Variants in AGAP3 observed in about 807,000 individuals in gnomAD.
The protein encoded by AGAP3 is ArfGAP with GTPase domain, ankyrin repeat and PH domain 3, also known as arf-GAP with GTPase, ANK repeat and PH domain-containing protein 3.
A neutral mutation model predicts 96.9 loss-of-function variants in AGAP3; 24 were observed. The observed-to-expected ratio is 0.25, with a 90% confidence interval of 0.18 to 0.35. AGAP3 has a LOEUF of 0.35. Ranked by LOEUF, AGAP3 falls within the 10% of genes least tolerant of loss-of-function variation. AGAP3 has a pLI of 1.00. For missense variants in AGAP3, 876 were observed against 1,254.2 expected, an observed-to-expected ratio of 0.70 and a Z score of 4.55; for synonymous variants, 563 against 536.1, an observed-to-expected ratio of 1.05 and a Z score of -0.69.
chr7:151,119,489 GAATC>G (rs1318955686), intron 7 of AGAP3, among the ~76,000 whole-genome samples: 4 of 152,198 alleles, frequency 2.6e-5, no homozygotes, highest in African/African-American at 9.7e-5. Flanking sequence ...AGCTGTCCCG[GAATC>G]CCTTTCCCTG....
At position 151,117,749 on chromosome 7, in the gene AGAP3, G is replaced by A; in HGVS notation, c.678G>A (p.Glu226=). 2 of 1,614,148 alleles carry A rather than the reference G, an allele frequency of 1.2e-6. No individual in the cohort carries two copies. Among genetic ancestry groups the A allele is most frequent in the South Asian group, 1.1e-5 (1 of 91,084 alleles). ...TCTGCAGCTTCCGCAACGCCAGCGA[G>A]GTGCCCATGGTGCTTGTGGGCACGC... is the stretch of plus-strand genomic sequence containing the variant. The part of the protein sequence containing the change: ...LRLCSFRNAS[E]VPMVLVGTQD... Residue 226 remains glutamate (E), a synonymous_variant, in exon 5 of 18, where the codon GAG becomes GAA. Transcript: ENST00000397238.
At chr7:151,086,145 A>G (rs1255351719), upstream of AGAP3, 1 of 152,320 alleles carries the variant, frequency 6.6e-6, no homozygotes, top group Non-Finnish European at 1.5e-5. Context: ...AGGGAGGCGA[A>G]AGCGACAGCC....
intron 11 of AGAP3, among the ~76,000 whole-genome samples, chr7:151,134,821 T>C (rs1800531946): frequency 6.6e-6 from 1 of 152,100 alleles, no homozygotes; most frequent in African/African-American, 2.4e-5. Context: ...TGGGCAGTGG[T>C]GCTGGTGGTC....
chr7:151,125,961 G>A (rs1327772403), intron 9 of AGAP3, among the ~76,000 whole-genome samples: 3 of 151,986 alleles, frequency 2.0e-5, no homozygotes, highest in Non-Finnish European at 4.4e-5. Flanking sequence ...GGCCGGGGAG[G>A]GAGCAGGAAC....
At chr7:151,112,361 T>C (rs1799326771) in intron 1 of AGAP3, 1 of 153,264 alleles carries the variant, frequency 6.5e-6, no homozygotes, top group African/African-American at 2.4e-5. Flanking sequence ...AGATGTTCTT[T>C]TGGGGACTGG....
At chr7:151,104,003 G>C (rs532957605) in intron 1 of AGAP3, among the ~76,000 whole-genome samples, 8 of 149,492 alleles carry the variant, frequency 5.4e-5, no homozygotes, top group East Asian at 1.9e-4. Flanking sequence ...TTAGTGCCGT[G>C]GCGGGGGCGT....
At position 151,135,655 on chromosome 7, in the gene AGAP3, C is replaced by G. The variant is rs1410219496; in HGVS notation, c.1495+1087C>G. On this transcript the variant is annotated intron_variant, in intron 11 of 17. Coordinates refer to ENST00000397238, the MANE Select transcript of AGAP3 (RefSeq NM_031946.7). ...GAACCAGGTGTGCTGGGCCCACTCT[C>G]GCAGAAACACCGTGGACCAGCCCGA... Among the ~76,000 whole-genome samples, 3 of 152,144 alleles carry G rather than the reference C, an allele frequency of 2.0e-5. No individual in the cohort carries two copies. The East Asian group carries it at 5.8e-4, about 29-fold the overall frequency.
rs1283582686 is a variant in AGAP3 at position 151,118,435 on chromosome 7, G to T, written c.842-70G>T. On this transcript the variant is annotated intron_variant, in intron 6 of 17. Transcript: ENST00000397238. This position sits in a 1 kb window ranked among gnomAD's most constrained non-coding sequence, Gnocchi z 6.1. ...CCAGTGAGAGCAAGGCTGTGTGTCT[G>T]GGGGGAGGTGCTAAGCCAGGCTTTT... The T allele has an allele frequency of 2.9e-5, 47 of 1,598,634 alleles. No individual in the cohort carries two copies. Among genetic ancestry groups the T allele is most frequent in the Non-Finnish European group, 3.5e-5 (41 of 1,169,214 alleles).
At position 151,115,214 on chromosome 7, in the gene AGAP3, G is replaced by C. The variant is rs929151734; in HGVS notation, c.332-1579G>C. 3.0e-6 allele frequency: 3 copies of C among 1,001,778 alleles called. No homozygotes were observed. In the African/African-American group the frequency reaches 5.3e-5, roughly 18 times the overall value. The allele number at this position is 1,001,778 out of a possible 1,614,324, so 62.1% of individuals were successfully genotyped here. A position where few individuals can be genotyped will look rare whatever the true frequency, so the allele number is the denominator to read the frequency against. On this transcript the variant is annotated intron_variant, in intron 1 of 17. Transcript: ENST00000397238. ...CCGAGGCGCCGGGCGCGGGTCTGGG[G>C]CGCGCGGGCAGCGCGGGCTTCCTGC...
chr7:151,138,022 T>C (rs1439001882), intron 11 of AGAP3, 121 bp from the exon 12 acceptor site: 1 of 804,542 alleles, frequency 1.2e-6, no homozygotes, highest in Non-Finnish European at 2.0e-6. Context: ...CGCCACCTGA[T>C]GAACCCAGTG....
intron 9 of AGAP3, among the ~76,000 whole-genome samples, chr7:151,126,112 C>CGAGCG (rs1800155125): frequency 6.9e-6 from 1 of 144,564 alleles, no homozygotes; most frequent in Admixed American, 6.9e-5. Context: ...CCCCGGCTAA[C>CGAGCG]GAGCGTCATT....
intron 11 of AGAP3, among the ~76,000 whole-genome samples, chr7:151,135,663 C>T (rs1800563114): frequency 6.6e-6 from 1 of 152,214 alleles, no homozygotes; most frequent in Non-Finnish European, 1.5e-5. Context: ...CTCGCAGAAA[C>T]ACCGTGGACC....
At chr7:151,113,423 T>A (rs763990568) in intron 1 of AGAP3, among the ~76,000 whole-genome samples, 2 of 152,210 alleles carry the variant, frequency 1.3e-5, no homozygotes, top group Non-Finnish European at 2.9e-5. Context: ...AGCGCTCTTT[T>A]CTGCAGGGAG....
chr7:151,137,433 T>C (rs1800642756), intron 11 of AGAP3, among the ~76,000 whole-genome samples: 3 of 152,204 alleles, frequency 2.0e-5, no homozygotes, highest in African/African-American at 4.8e-5. Context: ...GTTCTCGGAG[T>C]TCCAACTCAG....
chr7:151,102,598 C>CAA (rs35708283), intron 1 of AGAP3, among the ~76,000 whole-genome samples: 438 of 123,108 alleles, frequency 3.6e-3, no homozygotes, highest in African/African-American at 5.8e-3. Flanking sequence ...CTCGTCTCTA[C>CAA]AAAAAAAAAA....
At chr7:151,086,473 T>C (rs1798146779), upstream of AGAP3, among the ~76,000 whole-genome samples, 3 of 146,340 alleles carry the variant, frequency 2.1e-5, no homozygotes, top group Admixed American at 2.0e-4. Flanking sequence ...CCCGGTCCCG[T>C]TGTTGTTGCC....
At chr7:151,115,724 C>T in intron 1 of AGAP3, 7 of 886,676 alleles carry the variant, frequency 7.9e-6, no homozygotes, top group Non-Finnish European at 9.7e-6. Context: ...GGCGAGCTGC[C>T]GCGCGCGTCC....
In AGAP3 at chr7:151,123,893, G is replaced by A. The variant is rs747620787; in HGVS notation, c.1221+7G>A. The A allele has an allele frequency of 1.0e-5, 16 of 1,604,070 alleles. No homozygotes were observed. The highest frequency in any genetic ancestry group is 3.3e-5 in the South Asian group (3 of 91,046). On this transcript the variant is annotated splice_region_variant and intron_variant, in intron 9 of 17. Transcript: ENST00000397238. ...CGCCATCCCCATCAAGCAGGTCAGC[G>A]CCTCCCTTCCCGTGTGCTCCAGGGC...
Position 151,118,160 on chromosome 7 carries a change from C to G in AGAP3, c.707-50C>G, listed in dbSNP as rs746424101. ...GGGCCAAATGCCCCCCACCACACTA[C>G]CCCAGCTTCTCCGAAAGCTGAATGA... On this transcript the variant is annotated intron_variant, in intron 5 of 17. Coordinates refer to ENST00000397238, the MANE Select transcript of AGAP3 (RefSeq NM_031946.7). The surrounding 1 kb of genome is among the most constrained non-coding windows in gnomAD (Gnocchi z 6.1). 1 of 1,569,474 alleles carries G rather than the reference C, an allele frequency of 6.4e-7. No homozygotes were observed. Among genetic ancestry groups the G allele is most frequent in the African/African-American group, 1.3e-5 (1 of 74,128 alleles).
Sources: allele counts gnomAD v4.1 joint callset (sites outside exome capture counted in the v4.1 genomes callset), GRCh38; gene constraint gnomAD v4.1.1; non-coding constraint Gnocchi (gnomAD v3.1); transcripts MANE v1.5; gene names NCBI Gene and HGNC (gene_info 2026-07-23, HGNC 2026-07-21).